The following NCOA7 variants were observed in gnomAD, a reference collection of about 807,000 sequenced individuals.
NCOA7 encodes nuclear receptor coactivator 7.
A neutral mutation model predicts 104.3 loss-of-function variants in NCOA7; 45 were observed. The ratio of observed to expected loss-of-function variants is 0.43; its 90% confidence interval spans 0.34 to 0.55. The LOEUF (loss-of-function observed/expected upper bound fraction) is 0.55, where lower values mean the gene tolerates loss of function less well. NCOA7 is among the 20% of genes least tolerant of loss of function. The pLI is 0.02. For synonymous variants in NCOA7, 398 were observed against 402.3 expected (o/e 0.99, Z 0.13); for missense variants, 1,041 against 1,119.7 (o/e 0.93, Z 1.00).
upstream of NCOA7, among the ~76,000 whole-genome samples, chr6:125,787,538 C>T (rs907868559): frequency 4.6e-5 from 7 of 152,148 alleles, no homozygotes; most frequent in African/African-American, 1.7e-4. Flanking sequence ...GAAGGGATCT[C>T]TGCTTCTCTT....
chr6:125,871,709 G>A (rs1382248290), intron 3 of NCOA7, among the ~76,000 whole-genome samples: 1 of 152,096 alleles, frequency 6.6e-6, no homozygotes, highest in African/African-American at 2.4e-5. Context: ...ATAAATACAA[G>A]ACAAGGCCAG....
chr6:125,872,100 G>GT (rs370348057), intron 3 of NCOA7, among the ~76,000 whole-genome samples: 8 of 151,298 alleles, frequency 5.3e-5, no homozygotes, highest in African/African-American at 1.2e-4. Context: ...AAGGGAAGGC[G>GT]TTTTTTTTGT....
chr6:125,842,295 G>A (rs181480302), intron 2 of NCOA7, among the ~76,000 whole-genome samples: 6 of 152,134 alleles, frequency 3.9e-5, no homozygotes, highest in Non-Finnish European at 8.8e-5. Flanking sequence ...TGACAGAGTC[G>A]CTGGCATCAT....
chr6:125,801,887 C>T lies in NCOA7; in HGVS notation c.-65+10820C>T, dbSNP rs144401830. ...CATTCTGGAGTACTGAGGATTATAA[C>T]TTCAACATATCTTTTTTGGAATGCT... On this transcript the variant is annotated intron_variant, in intron 1 of 15. Transcript: ENST00000392477. 6.8e-4 allele frequency among the ~76,000 whole-genome samples: 104 copies of T among 152,268 alleles called. 2 individuals are homozygous for T. The East Asian group carries it at 0.019, about 27-fold the overall frequency.
chr6:125,859,318 G>A (rs2128624460), intron 3 of NCOA7, among the ~76,000 whole-genome samples: 1 of 152,212 alleles, frequency 6.6e-6, no homozygotes, highest in South Asian at 2.1e-4. Context: ...GTTTGGAGAT[G>A]TTTTTGAGCT....
intron 2 of NCOA7, among the ~76,000 whole-genome samples, chr6:125,817,176 G>T (rs1777666630): frequency 6.6e-6 from 1 of 152,188 alleles, no homozygotes; most frequent in South Asian, 2.1e-4. Flanking sequence ...GGGCATTTAG[G>T]TTGTTTCCAG....
chr6:125,851,201 T>C (rs1383603279), intron 2 of NCOA7, among the ~76,000 whole-genome samples: 1 of 152,156 alleles, frequency 6.6e-6, no homozygotes, highest in Admixed American at 6.5e-5. Flanking sequence ...GAAATGTTAG[T>C]GCACCTGTCA....
Position 125,930,508 on chromosome 6 carries a change from G to A in NCOA7, c.*1737G>A, listed in dbSNP as rs567674490. The A allele has an allele frequency of 3.3e-5, 5 of 152,462 alleles. No homozygotes were observed. The highest frequency in any genetic ancestry group is 4.2e-4 in the South Asian group (2 of 4,812). The allele number at this position is 152,462 out of a possible 1,614,324, so 9.4% of individuals were successfully genotyped here. On this transcript the variant is annotated 3_prime_UTR_variant, in exon 16 of 16. Transcript: ENST00000392477. ...ATGGTCTGTCATAAATTATTTCCCCGGTAATTTTTGAAAGGAAAAATGTAT... is the reference window on the plus strand; with the variant it reads ...ATGGTCTGTCATAAATTATTTCCCCAGTAATTTTTGAAAGGAAAAATGTAT...
chr6:125,782,392 A>G (rs1273595336), intron 1 of NCOA7, among the ~76,000 whole-genome samples: 1 of 152,228 alleles, frequency 6.6e-6, no homozygotes, highest in Non-Finnish European at 1.5e-5. Context: ...ATCTACTAAG[A>G]GCAATCAATA....
chr6:125,921,000 G>A lies in NCOA7; in HGVS notation c.2302G>A (p.Glu768Lys), dbSNP rs754968024. 1.1e-5 allele frequency: 18 copies of A among 1,613,760 alleles called. No individual in the cohort carries two copies. The Admixed American group carries it at 1.3e-4, about 12-fold the overall frequency. Residue 768 changes from glutamate (E) to lysine (K), a missense_variant, in exon 12 of 16, where the codon GAG (glutamate) becomes AAG (lysine). Physicochemically the swap from Glu to Lys is moderately conservative, Grantham distance 56. Coordinates refer to ENST00000392477, the MANE Select transcript of NCOA7 (RefSeq NM_181782.5). ...RKSTCSYYED[E>K]DEEVLPVLRP... ...GAGCACATGCAGCTACTATGAAGAC[G>A]AGGACGAAGAGGTGCTGCCTGTCCT... is the stretch of plus-strand genomic sequence containing the variant.
At position 125,855,137 on chromosome 6, in the gene NCOA7, C is replaced by T. The variant is rs773759641; in HGVS notation, c.168C>T (p.Asn56=). The T allele has an allele frequency of 6.2e-7, 1 of 1,612,932 alleles. No individual in the cohort carries two copies. The highest frequency in any genetic ancestry group is 8.5e-7 in the Non-Finnish European group (1 of 1,179,732). The change falls in exon 3 of 16, where the codon AAC becomes AAT. Residue 56 remains asparagine, a synonymous_variant. Coordinates refer to ENST00000392477, the MANE Select transcript of NCOA7 (RefSeq NM_181782.5). The stretch of plus-strand genomic sequence containing the variant: ...TAGTTTTAGAGCCAGACAAGTGCAA[C>T]ATTGCTGTGGAAGAGGAATATATGA... ...NTVVLEPDKC[N]IAVEEEYMTD...
At position 125,930,802 on chromosome 6, in the gene NCOA7, C is replaced by T. The variant is rs891034442; in HGVS notation, c.*2031C>T. On this transcript the variant is annotated 3_prime_UTR_variant, in exon 16 of 16. Transcript: ENST00000392477. ...ATACTGGCAGTTTCACCTTAACCTG[C>T]TCGTTAAATAATGTGTTGGTGTGAG... The T allele has an allele frequency of 6.6e-6, 1 of 152,340 alleles. No individual in the cohort carries two copies. The highest frequency in any genetic ancestry group is 1.5e-5 in the Non-Finnish European group (1 of 68,034). 9.4% of individuals were successfully genotyped at this position (152,340 alleles called of 1,614,324 possible).
intron 2 of NCOA7, among the ~76,000 whole-genome samples, chr6:125,817,233 G>A (rs1465382827): frequency 2.6e-5 from 4 of 152,208 alleles, no homozygotes; most frequent in African/African-American, 9.7e-5. Context: ...AATCATTTAT[G>A]TACAAGTTTT....
intron 10 of NCOA7, among the ~76,000 whole-genome samples, chr6:125,894,328 C>T (rs181022962): frequency 1.1e-4 from 17 of 152,150 alleles, no homozygotes; most frequent in Non-Finnish European, 2.4e-4. Flanking sequence ...CCACTGGTCG[C>T]GTACTAGACT....
At chr6:125,921,204 G>A (rs1787550261) in intron 12 of NCOA7, 136 bp downstream of exon 12, 2 of 1,179,982 alleles carry the variant, frequency 1.7e-6, no homozygotes, top group Non-Finnish European at 1.1e-6. Context: ...GAGGTCAGGA[G>A]TTTGAGACCA....
At chr6:125,844,056 C>T (rs940674501) in intron 2 of NCOA7, among the ~76,000 whole-genome samples, 2 of 152,172 alleles carry the variant, frequency 1.3e-5, no homozygotes, top group South Asian at 4.1e-4. Flanking sequence ...CTTTGGTTAC[C>T]GGGGTCTTCT....
intron 2 of NCOA7, among the ~76,000 whole-genome samples, chr6:125,850,739 G>T (rs894219770): frequency 6.6e-6 from 1 of 152,180 alleles, no homozygotes; most frequent in Non-Finnish European, 1.5e-5. Context: ...AATCACCTTC[G>T]GAAGGGGGCA....
At chr6:125,814,814 T>A (rs547973391) in intron 1 of NCOA7, among the ~76,000 whole-genome samples, 63 of 152,312 alleles carry the variant, frequency 4.1e-4, no homozygotes, top group African/African-American at 1.5e-3. Flanking sequence ...CTGGCATGTT[T>A]CCGAAAATAA....
intron 13 of NCOA7, among the ~76,000 whole-genome samples, chr6:125,927,251 A>G (rs1184106614): frequency 6.6e-6 from 1 of 152,256 alleles, no homozygotes; most frequent in Non-Finnish European, 1.5e-5. Context: ...AAAATACATA[A>G]GAGATGTGAC....
Sources: gnomAD v4.1 joint callset for allele counts (sites outside exome capture counted in the v4.1 genomes callset) on GRCh38, gnomAD v4.1.1 for gene constraint, MANE v1.5 for transcripts, NCBI Gene and HGNC (gene_info 2026-07-23, HGNC 2026-07-21) for gene names.